The following DYM variants were observed in gnomAD, a reference collection of about 807,000 sequenced individuals.
DYM encodes dyggve-Melchior-Clausen syndrome protein.
A neutral mutation model predicts 93.1 loss-of-function variants in DYM; 78 were observed. The ratio of observed to expected loss-of-function variants is 0.84; its 90% confidence interval spans 0.70 to 1.01. The LOEUF (loss-of-function observed/expected upper bound fraction) is 1.01. DYM is among the 50% of genes least tolerant of loss of function. DYM has a pLI of 0.00. For missense variants in DYM, 789 were observed against 845.0 expected, an observed-to-expected ratio of 0.93 and a Z score of 0.82; for synonymous variants, 321 against 319.7, an observed-to-expected ratio of 1.00 and a Z score of -0.04.
chr18:49,197,089 T>A (rs2091525278), intron 14 of DYM, among the ~76,000 whole-genome samples: 1 of 152,112 alleles, frequency 6.6e-6, no homozygotes, highest in African/African-American at 2.4e-5. Flanking sequence ...TGAAAAGGTT[T>A]ATGGAGAAAG....
intron 13 of DYM, among the ~76,000 whole-genome samples, chr18:49,232,428 C>T (rs574998568): frequency 1.5e-4 from 23 of 150,628 alleles, no homozygotes; most frequent in Non-Finnish European, 1.0e-4. Flanking sequence ...CTCAGCCTCC[C>T]GAGTAGCTAG....
At chr18:49,453,355 T>C (rs992292226) in intron 1 of DYM, among the ~76,000 whole-genome samples, 1 of 152,186 alleles carries the variant, frequency 6.6e-6, no homozygotes, top group African/African-American at 2.4e-5. Context: ...CCTTCCACAC[T>C]GCGGGAGCTT....
intron 16 of DYM, among the ~76,000 whole-genome samples, chr18:49,100,072 T>C (rs770714705): frequency 5.3e-5 from 8 of 152,130 alleles, no homozygotes; most frequent in Non-Finnish European, 1.0e-4. Flanking sequence ...GCCCTACAAG[T>C]TGAGGAACTC....
At chr18:49,398,904 A>G (rs896994466) in intron 2 of DYM, among the ~76,000 whole-genome samples, 1 of 152,218 alleles carries the variant, frequency 6.6e-6, no homozygotes, top group Non-Finnish European at 1.5e-5. Context: ...AAGGATTGTA[A>G]AAAGCTTTAT....
intron 8 of DYM, among the ~76,000 whole-genome samples, chr18:49,305,255 C>G (rs891340958): frequency 1.3e-5 from 2 of 152,146 alleles, no homozygotes; most frequent in Admixed American, 6.5e-5. Context: ...ATCCAACTCT[C>G]CACCTACTCC....
At chr18:49,455,295 G>A (rs1417419532) in intron 1 of DYM, among the ~76,000 whole-genome samples, 1 of 152,116 alleles carries the variant, frequency 6.6e-6, no homozygotes, top group Non-Finnish European at 1.5e-5. Flanking sequence ...ACCATCTGAT[G>A]TCCCAAGGGC....
intron 15 of DYM, among the ~76,000 whole-genome samples, chr18:49,124,968 T>A (rs2082675481): frequency 1.3e-5 from 2 of 152,196 alleles, no homozygotes; most frequent in South Asian, 4.1e-4. Context: ...ACACTCTAAA[T>A]AAGTTATTAG....
At chr18:49,300,579 C>G (rs1169431261) in intron 8 of DYM, among the ~76,000 whole-genome samples, 1 of 150,282 alleles carries the variant, frequency 6.7e-6, no homozygotes, top group African/African-American at 2.5e-5. Context: ...CAAGCCTGGA[C>G]AATAGAGCAA....
intron 15 of DYM, among the ~76,000 whole-genome samples, chr18:49,128,092 G>A (rs762699092): frequency 6.6e-6 from 1 of 152,206 alleles, no homozygotes; most frequent in Non-Finnish European, 1.5e-5. Flanking sequence ...TGGCTGCTAG[G>A]GTACACTGGC....
chr18:49,197,270 G>T (rs2091547732), intron 14 of DYM, among the ~76,000 whole-genome samples: 1 of 150,228 alleles, frequency 6.7e-6, no homozygotes, highest in Admixed American at 6.6e-5. Flanking sequence ...AAATGGCTAA[G>T]GTAAGAGTTT....
chr18:49,378,949 G>C (rs1015415350), intron 4 of DYM, among the ~76,000 whole-genome samples: 1 of 152,066 alleles, frequency 6.6e-6, no homozygotes, highest in Non-Finnish European at 1.5e-5. Context: ...ACTGATGACT[G>C]TAGGAATGAC....
At chr18:49,395,794 C>T (rs1017030446) in intron 2 of DYM, among the ~76,000 whole-genome samples, 14 of 152,084 alleles carry the variant, frequency 9.2e-5, no homozygotes, top group African/African-American at 3.1e-4. Context: ...GGCAAGGATG[C>T]AGAGAAAGGG....
intron 17 of DYM, among the ~76,000 whole-genome samples, chr18:49,059,498 T>G (rs781573987): frequency 1.3e-5 from 2 of 152,226 alleles, no homozygotes; most frequent in Non-Finnish European, 2.9e-5. Context: ...ATGGTCATCT[T>G]TGCCACCTGG....
At chr18:49,292,221 G>A (rs1006154846) in intron 8 of DYM, among the ~76,000 whole-genome samples, 5 of 152,000 alleles carry the variant, frequency 3.3e-5, no homozygotes, top group Admixed American at 1.3e-4. Context: ...CAAGAGGGCT[G>A]AGAAGCTGCT....
intron 17 of DYM, among the ~76,000 whole-genome samples, chr18:49,084,242 T>C (rs2078301565): frequency 6.6e-6 from 1 of 152,200 alleles, no homozygotes; most frequent in Non-Finnish European, 1.5e-5. Context: ...AGTATGCTGC[T>C]TAATTTCCAA....
At chr18:49,298,870 C>T (rs1458471866) in intron 8 of DYM, among the ~76,000 whole-genome samples, 1 of 152,104 alleles carries the variant, frequency 6.6e-6, no homozygotes, top group Non-Finnish European at 1.5e-5. Flanking sequence ...TTAGATGACG[C>T]AGGTAGTATT....
chr18:49,305,441 C>T (rs1362762811), intron 8 of DYM, among the ~76,000 whole-genome samples: 1 of 152,170 alleles, frequency 6.6e-6, no homozygotes, highest in African/African-American at 2.4e-5. Flanking sequence ...ACAACAATCC[C>T]TAATCTTCAT....
chr18:49,052,464 G>T (rs1255845757), intron 17 of DYM, among the ~76,000 whole-genome samples: 3 of 152,250 alleles, frequency 2.0e-5, no homozygotes, highest in Non-Finnish European at 4.4e-5. Context: ...GACACATTTT[G>T]TCAGGACTGA....
chr18:49,228,717 C>A (rs1282482901), intron 13 of DYM, among the ~76,000 whole-genome samples: 1 of 152,102 alleles, frequency 6.6e-6, no homozygotes, highest in Admixed American at 6.6e-5. Context: ...GGCTACCTAT[C>A]CTTTTTCAGG....
Sources: gnomAD v4.1 joint callset for allele counts (sites outside exome capture counted in the v4.1 genomes callset) on GRCh38, gnomAD v4.1.1 for gene constraint, MANE v1.5 for transcripts, NCBI Gene and HGNC (gene_info 2026-07-23, HGNC 2026-07-21) for gene names.